Variants in GET1 observed in about 807,000 individuals in gnomAD.
The protein encoded by GET1 is guided entry of tail-anchored proteins factor 1, also known as congenital heart disease 5 protein.
A neutral mutation model predicts 22.6 loss-of-function variants in GET1; 20 were observed. The ratio of observed to expected loss-of-function variants is 0.89; its 90% confidence interval spans 0.62 to 1.29. GET1 has a LOEUF of 1.29. Among genes scored for constraint, GET1 ranks in the 50% most tolerant of loss-of-function variants. GET1 has a pLI of 0.00. For missense variants in GET1, 209 were observed against 219.9 expected, an observed-to-expected ratio of 0.95 and a Z score of 0.31; for synonymous variants, 92 against 83.8, an observed-to-expected ratio of 1.10 and a Z score of -0.53.
downstream of GET1, among the ~76,000 whole-genome samples, chr21:39,410,570 G>A (rs1003560716): frequency 6.6e-6 from 1 of 152,136 alleles, no homozygotes; most frequent in Non-Finnish European, 1.5e-5. Context: ...GCCTCACAGT[G>A]TTTGAGTATA....
At position 39,380,494 on chromosome 21, in the gene GET1, G is replaced by T; in HGVS notation, c.102+8G>T. 1.2e-6 allele frequency: 2 copies of T among 1,608,072 alleles called. No homozygotes were observed. Among genetic ancestry groups the T allele is most frequent in the South Asian group, 2.2e-5 (2 of 89,984 alleles). On this transcript the variant is annotated splice_region_variant and intron_variant, in intron 1 of 4. Coordinates refer to ENST00000649170, the MANE Select transcript of GET1 (RefSeq NM_004627.6). ...CCGTCCTTCTCATCCTTCGTAAGTGGCTGCCTGGCCTCCCAAGGGCCGGTG... is the reference window on the plus strand; with the variant it reads ...CCGTCCTTCTCATCCTTCGTAAGTGTCTGCCTGGCCTCCCAAGGGCCGGTG...
chr21:39,409,062 G>C (rs779037468), downstream of GET1, among the ~76,000 whole-genome samples: 14 of 152,070 alleles, frequency 9.2e-5, no homozygotes, highest in Non-Finnish European at 1.9e-4. This position sits in a 1 kb window ranked among gnomAD's most constrained non-coding sequence, Gnocchi z 4.2. Flanking sequence ...TTGGAGACTG[G>C]GTCTTTAAGG....
At chr21:39,410,628 G>T (rs1436452864), downstream of GET1, among the ~76,000 whole-genome samples, 1 of 152,108 alleles carries the variant, frequency 6.6e-6, no homozygotes, top group Non-Finnish European at 1.5e-5. Context: ...GGAGGACAAG[G>T]CTGTCCTTTG....
chr21:39,424,759 CTTTG>C (rs1486463565), intron 1 of GET1, among the ~76,000 whole-genome samples: 2 of 152,180 alleles, frequency 1.3e-5, no homozygotes, highest in African/African-American at 4.8e-5. Context: ...TTTCCTGTTA[CTTTG>C]GCTGGGCACC....
At chr21:39,426,480 A>G (rs1327019732) in intron 1 of GET1, among the ~76,000 whole-genome samples, 1 of 152,170 alleles carries the variant, frequency 6.6e-6, no homozygotes, top group African/African-American at 2.4e-5. Flanking sequence ...TTGGAACCAG[A>G]CTGTTTCAGA....
chr21:39,423,169 C>G (rs1414484000), intron 1 of GET1: 1 of 1,613,324 alleles, frequency 6.2e-7, no homozygotes, highest in Non-Finnish European at 8.5e-7. Context: ...CTGGGATTTC[C>G]TAAGTAGTTG....
intron 3 of GET1, 151 bp downstream of exon 3, chr21:39,391,987 CG>C: frequency 1.5e-6 from 1 of 683,492 alleles, no homozygotes; most frequent in Non-Finnish European, 2.5e-6. Flanking sequence ...TAAACACTCT[CG>C]GTCTCTAAGT....
chr21:39,384,288 G>T, intron 1 of GET1, among the ~76,000 whole-genome samples: 1 of 150,562 alleles, frequency 6.6e-6, no homozygotes, highest in South Asian at 2.1e-4. Flanking sequence ...ACAGAGTTTT[G>T]CTCTTTTGCC....
At chr21:39,414,744 G>GT (rs1296517255) in intron 1 of GET1, among the ~76,000 whole-genome samples, 35 of 106,742 alleles carry the variant, frequency 3.3e-4, no homozygotes, top group Non-Finnish European at 6.8e-4. Context: ...CTCTCTCTCT[G>GT]TGTGTGTGTG....
At chr21:39,388,393 T>A (rs767592396) in intron 1 of GET1, among the ~76,000 whole-genome samples, 3 of 152,172 alleles carry the variant, frequency 2.0e-5, no homozygotes, top group Non-Finnish European at 4.4e-5. Flanking sequence ...CGTTTCGCAG[T>A]AATGTCCTTA....
chr21:39,406,616 T>C (rs2039096023), downstream of GET1: 1 of 1,558,544 alleles, frequency 6.4e-7, no homozygotes, highest in Non-Finnish European at 8.6e-7. Context: ...GATAAATCTA[T>C]ATTAGAAAAA....
In GET1 at chr21:39,391,837, G is replaced by T. The variant is rs1289899739; in HGVS notation, c.336+1G>T. On this transcript the variant is annotated splice_donor_variant, in intron 3 of 4. Transcript: ENST00000649170. LOFTEE classifies it high-confidence loss of function. ...AAGTGTCGCTTTCTACGTATTGCAG[G>T]TAAGTGTGCTAGAGCGTCAGCCGGG... 2 of 1,614,006 alleles carry T rather than the reference G, an allele frequency of 1.2e-6. No individual in the cohort carries two copies. Among genetic ancestry groups the T allele is most frequent in the Admixed American group, 1.7e-5 (1 of 60,000 alleles).
At chr21:39,403,331 TAA>T (rs2038885069) in intron 4 of GET1, among the ~76,000 whole-genome samples, 1 of 152,218 alleles carries the variant, frequency 6.6e-6, no homozygotes, top group African/African-American at 2.4e-5. Flanking sequence ...TATTATTTTT[TAA>T]TTAATTAGTT....
chr21:39,403,007 G>T (rs1361886782), intron 4 of GET1, among the ~76,000 whole-genome samples: 1 of 152,034 alleles, frequency 6.6e-6, no homozygotes, highest in African/African-American at 2.4e-5. Context: ...TTAATATCAC[G>T]ATGTGTGCTT....
At chr21:39,424,046 T>A (rs181973393) in intron 1 of GET1, among the ~76,000 whole-genome samples, 1 of 152,216 alleles carries the variant, frequency 6.6e-6, no homozygotes, top group Admixed American at 6.5e-5. Context: ...GGAGTCTCCC[T>A]CCATTGCCCA....
chr21:39,402,385 T>C (rs1394052524), downstream of GET1, among the ~76,000 whole-genome samples: 1 of 152,178 alleles, frequency 6.6e-6, no homozygotes, highest in Non-Finnish European at 1.5e-5. Flanking sequence ...GATTACAGTC[T>C]TGAGCCACCT....
chr21:39,403,043 A>T (rs2038878009), intron 4 of GET1, among the ~76,000 whole-genome samples: 1 of 152,198 alleles, frequency 6.6e-6, no homozygotes, highest in Non-Finnish European at 1.5e-5. Flanking sequence ...ATAAGAAAAG[A>T]TCCCTTGGAA....
At position 39,428,270 on chromosome 21, in the gene GET1, C is replaced by A; in HGVS notation, c.*62C>A. 1.2e-6 allele frequency: 2 copies of A among 1,608,392 alleles called. 1 individual carries two copies. The highest frequency in any genetic ancestry group is 3.3e-4 in the Middle Eastern group (2 of 6,054). ...ATTTCTATTAATAGCCTTTTCTGAA[C>A]AATCACAGAGAAAGTCTTCTGAATA... is the stretch of plus-strand genomic sequence containing the variant. On this transcript the variant is annotated 3_prime_UTR_variant, in exon 2 of 2. Coordinates refer to the GET1 transcript ENST00000478273.
intron 1 of GET1, among the ~76,000 whole-genome samples, chr21:39,421,363 C>T (rs888828496): frequency 3.3e-5 from 5 of 152,140 alleles, no homozygotes; most frequent in Admixed American, 6.5e-5. Flanking sequence ...GCTGGTATTA[C>T]GGGCGAGAGG....
Sources: allele counts gnomAD v4.1 joint callset (sites outside exome capture counted in the v4.1 genomes callset), GRCh38; gene constraint gnomAD v4.1.1; non-coding constraint Gnocchi (gnomAD v3.1); transcripts MANE v1.5; gene names NCBI Gene and HGNC (gene_info 2026-07-23, HGNC 2026-07-21).